Variants in ROBO2 observed in about 807,000 individuals in gnomAD.
The protein encoded by ROBO2 is roundabout homolog 2.
ROBO2 carries 53 observed loss-of-function variants against 160.8 expected under a neutral mutation model. The ratio of observed to expected loss-of-function variants is 0.33; its 90% CI spans 0.26 to 0.41. ROBO2 has a LOEUF of 0.41. Ranked by LOEUF, ROBO2 falls within the 10% of genes least tolerant of loss-of-function variation. ROBO2 has a pLI of 1.00. For synonymous variants in ROBO2, 664 were observed against 611.7 expected, an observed-to-expected ratio of 1.09 and a Z score of -1.26; for missense variants, 1,577 against 1,722.4, an observed-to-expected ratio of 0.92 and a Z score of 1.49.
intron 1 of ROBO2, among the ~76,000 whole-genome samples, chr3:75,920,953 C>T (rs1226872592): frequency 6.6e-6 from 1 of 151,870 alleles, no homozygotes; most frequent in Non-Finnish European, 1.5e-5. Flanking sequence ...CTCCTGAATA[C>T]AGCACACCTC....
chr3:77,283,791 A>G, intron 2 of ROBO2, among the ~76,000 whole-genome samples: 1 of 152,164 alleles, frequency 6.6e-6, no homozygotes, highest in East Asian at 1.9e-4. Context: ...AACTCCTTTC[A>G]CTTGTCATTT....
intron 2 of ROBO2, among the ~76,000 whole-genome samples, chr3:76,597,949 T>C (rs1257955670): frequency 6.6e-6 from 1 of 152,126 alleles, no homozygotes; most frequent in Non-Finnish European, 1.5e-5. Flanking sequence ...AGATAAAAAC[T>C]GATATTTTTA....
At chr3:76,184,812 A>G (rs974008862) in intron 2 of ROBO2, among the ~76,000 whole-genome samples, 1 of 152,118 alleles carries the variant, frequency 6.6e-6, no homozygotes, top group Non-Finnish European at 1.5e-5. Flanking sequence ...TGGACTCCAA[A>G]GGCTGAGAAG....
At chr3:76,233,682 C>T (rs6549851) in intron 2 of ROBO2, among the ~76,000 whole-genome samples, 135,296 of 151,958 alleles carry the variant, frequency 0.89, 60,540 homozygotes, top group Middle Eastern at 0.97. Context: ...AATTCAAGCA[C>T]GTCATTTCTT....
chr3:77,408,211 G>A (rs1384291353), intron 2 of ROBO2, among the ~76,000 whole-genome samples: 1 of 152,024 alleles, frequency 6.6e-6, no homozygotes, highest in African/African-American at 2.4e-5. Flanking sequence ...AGTAGTGACT[G>A]ATTTATTCTC....
At chr3:76,838,967 C>A (rs2067973351) in intron 2 of ROBO2, among the ~76,000 whole-genome samples, 1 of 152,016 alleles carries the variant, frequency 6.6e-6, no homozygotes, top group African/African-American at 2.4e-5. Context: ...TTTATAAAAC[C>A]ACTGAACTGA....
intron 2 of ROBO2, among the ~76,000 whole-genome samples, chr3:77,156,952 C>T (rs944022117): frequency 9.2e-5 from 14 of 152,010 alleles, no homozygotes; most frequent in Middle Eastern, 3.4e-3. Context: ...CAATATCACT[C>T]GGGAACTTGG....
Position 76,802,620 on chromosome 3 carries a change from C to T in ROBO2, c.110-295394C>T, listed in dbSNP as rs573886095. Among the ~76,000 whole-genome samples, 5 of 150,798 alleles carry T rather than the reference C, an allele frequency of 3.3e-5. No individual in the cohort carries two copies. The South Asian group carries it at 1.1e-3, about 32-fold the overall frequency. ...GGCGGCACCTGTAGTCCCAGCTACT[C>T]GGGAGGCTGAGGCAGGAGAATGGCG... On this transcript the variant is annotated intron_variant, in intron 2 of 26. Transcript: ENST00000487694.
intron 6 of ROBO2, among the ~76,000 whole-genome samples, chr3:77,523,514 C>T (rs1235129702): frequency 1.3e-5 from 2 of 151,318 alleles, no homozygotes; most frequent in Non-Finnish European, 3.0e-5. Context: ...TCATGCACTT[C>T]CTCAGTCATG....
intron 2 of ROBO2, among the ~76,000 whole-genome samples, chr3:77,410,294 C>T (rs758108794): frequency 1.3e-5 from 2 of 152,064 alleles, no homozygotes; most frequent in Non-Finnish European, 2.9e-5. Context: ...TTAATGTAAG[C>T]CTGTCATTTA....
At chr3:75,940,263 CTCAACTGTG>C (rs1250368350) in intron 2 of ROBO2, among the ~76,000 whole-genome samples, 111 of 152,214 alleles carry the variant, frequency 7.3e-4, no homozygotes, top group Non-Finnish European at 8.8e-5. Context: ...CATAGTATAT[CTCAACTGTG>C]TGCAACCACT....
intron 2 of ROBO2, among the ~76,000 whole-genome samples, chr3:76,158,872 T>A (rs2072513052): frequency 6.6e-6 from 1 of 152,204 alleles, no homozygotes; most frequent in African/African-American, 2.4e-5. Context: ...TTACTTATCA[T>A]CTTTACCATA....
At chr3:77,477,084 A>G (rs2084103338) in intron 2 of ROBO2, among the ~76,000 whole-genome samples, 1 of 152,176 alleles carries the variant, frequency 6.6e-6, no homozygotes, top group Admixed American at 6.5e-5. Context: ...TCTATATAGA[A>G]AATAGAATTA....
intron 2 of ROBO2, among the ~76,000 whole-genome samples, chr3:76,543,599 C>T (rs943052085): frequency 2.0e-5 from 3 of 152,022 alleles, no homozygotes; most frequent in South Asian, 2.1e-4. Flanking sequence ...TCTATAACTG[C>T]GGCAAATTAT....
At chr3:77,453,317 G>T (rs2081303865) in intron 2 of ROBO2, among the ~76,000 whole-genome samples, 1 of 151,524 alleles carries the variant, frequency 6.6e-6, no homozygotes, top group Non-Finnish European at 1.5e-5. Flanking sequence ...AGAGAACATG[G>T]TATCTCTCCA....
chr3:76,415,340 GA>G (rs1161171408), intron 2 of ROBO2, among the ~76,000 whole-genome samples: 2 of 152,166 alleles, frequency 1.3e-5, no homozygotes, highest in African/African-American at 2.4e-5. Flanking sequence ...ATGCCTCTCA[GA>G]AATGTCTGAA....
At chr3:77,640,165 A>G (rs890921303) in intron 24 of ROBO2, among the ~76,000 whole-genome samples, 7 of 120,736 alleles carry the variant, frequency 5.8e-5, no homozygotes, top group South Asian at 2.7e-4. Flanking sequence ...AGGCTGGAGT[A>G]CAGTGGGGCG....
intron 2 of ROBO2, among the ~76,000 whole-genome samples, chr3:76,780,973 G>A (rs1206140505): frequency 6.7e-6 from 1 of 149,978 alleles, no homozygotes; most frequent in Non-Finnish European, 1.5e-5. Flanking sequence ...ATTTTTAAAG[G>A]CATTGCTTTG....
intron 1 of ROBO2, among the ~76,000 whole-genome samples, chr3:77,056,671 A>T (rs1379417223): frequency 6.6e-6 from 1 of 152,204 alleles, no homozygotes; most frequent in Non-Finnish European, 1.5e-5. Context: ...GACACAAGAC[A>T]TACAATATTT....
Sources: allele counts gnomAD v4.1 joint callset (sites outside exome capture counted in the v4.1 genomes callset), GRCh38; gene constraint gnomAD v4.1.1; transcripts MANE v1.5; gene names NCBI Gene and HGNC (gene_info 2026-07-23, HGNC 2026-07-21).